CTNNA2: variants seen among roughly 807,000 people sequenced by gnomAD.
CTNNA2 encodes catenin alpha 2.
In CTNNA2, 42 loss-of-function variants were observed where a neutral mutation model predicts 101.0. That is an observed-to-expected ratio of 0.42 (90% confidence interval 0.32 to 0.54). CTNNA2 has a LOEUF of 0.54. CTNNA2 is among the 20% of genes least tolerant of loss of function. The pLI is 0.14. For synonymous variants in CTNNA2, 450 were observed against 456.4 expected (o/e 0.99, Z 0.18); for missense variants, 871 against 1,223.1 (o/e 0.71, Z 4.29).
At chr2:80,323,135 A>G (rs1184034433) in intron 7 of CTNNA2, among the ~76,000 whole-genome samples, 1 of 152,148 alleles carries the variant, frequency 6.6e-6, no homozygotes, top group Admixed American at 6.5e-5. Flanking sequence ...CACTGGTCGC[A>G]CCTTTCTTCT....
At chr2:80,122,064 G>A (rs1206026058) in intron 7 of CTNNA2, among the ~76,000 whole-genome samples, 4 of 152,156 alleles carry the variant, frequency 2.6e-5, no homozygotes, top group East Asian at 1.9e-4. Context: ...TCCCTGGTTT[G>A]ACTGCTAAGA....
chr2:79,295,601 C>A (rs1675959554), intron 2 of CTNNA2, among the ~76,000 whole-genome samples: 1 of 151,774 alleles, frequency 6.6e-6, no homozygotes, highest in Non-Finnish European at 1.5e-5. Context: ...TCTACCCCTG[C>A]CCATATGTTG....
intron 2 of CTNNA2, among the ~76,000 whole-genome samples, chr2:79,296,350 A>T (rs1159458193): frequency 6.6e-6 from 1 of 152,166 alleles, no homozygotes; most frequent in African/African-American, 2.4e-5. Context: ...CTTTTCAAAG[A>T]GTTTTTGTCT....
chr2:79,460,363 C>G (rs1670865787), intron 4 of CTNNA2, among the ~76,000 whole-genome samples: 2 of 152,136 alleles, frequency 1.3e-5, no homozygotes, highest in Admixed American at 1.3e-4. Context: ...CTCAAAATCT[C>G]CCCTTTTTTG....
intron 7 of CTNNA2, among the ~76,000 whole-genome samples, chr2:80,006,210 T>C (rs1693332339): frequency 6.6e-6 from 1 of 151,964 alleles, no homozygotes; most frequent in East Asian, 1.9e-4. Context: ...AACTTGGGTG[T>C]TTCACCTGTA....
intron 9 of CTNNA2, among the ~76,000 whole-genome samples, chr2:80,479,413 A>G (rs1685976425): frequency 6.6e-6 from 1 of 152,168 alleles, no homozygotes; most frequent in African/African-American, 2.4e-5. Flanking sequence ...GCCTCCAGCA[A>G]CAGAGAATCA....
chr2:80,081,324 C>T (rs1699130085), intron 7 of CTNNA2, among the ~76,000 whole-genome samples: 1 of 151,250 alleles, frequency 6.6e-6, no homozygotes, highest in South Asian at 2.1e-4. Flanking sequence ...CTGTCAATTC[C>T]CAGCAGCTCA....
chr2:79,861,199 CCTG>C lies in CTNNA2; in HGVS notation c.465+3024_465+3026del, dbSNP rs1193514849. Among the ~76,000 whole-genome samples the C allele has an allele frequency of 2.0e-5, 3 of 152,160 alleles. No homozygotes were observed. The East Asian group carries it at 5.8e-4, about 29-fold the overall frequency. Reference sequence around the variant, plus strand: ...ATACCCTGTAGTGAGACTACAGCCTCCTGCTGTGTTAACTGCTACATATCTCTT... The same window carrying C: ...ATACCCTGTAGTGAGACTACAGCCTCCTGTGTTAACTGCTACATATCTCTT... On this transcript the variant is annotated intron_variant, in intron 4 of 18. Transcript: ENST00000402739.
At chr2:79,601,453 G>A (rs1677547809) in intron 1 of CTNNA2, among the ~76,000 whole-genome samples, 1 of 152,198 alleles carries the variant, frequency 6.6e-6, no homozygotes. Flanking sequence ...CTCTGCAACT[G>A]GCATTGGTTA....
intron 8 of CTNNA2, among the ~76,000 whole-genome samples, chr2:80,410,319 A>G (rs1053875183): frequency 1.3e-5 from 2 of 152,250 alleles, no homozygotes; most frequent in Non-Finnish European, 1.5e-5. Flanking sequence ...TTGCTAGAGC[A>G]GGTATGATCT....
chr2:79,262,478 G>A (rs986746913), intron 2 of CTNNA2, among the ~76,000 whole-genome samples: 1 of 151,748 alleles, frequency 6.6e-6, no homozygotes, highest in East Asian at 1.9e-4. Context: ...AAATAATCAA[G>A]AGCCAAAAGT....
intron 4 of CTNNA2, among the ~76,000 whole-genome samples, chr2:79,461,045 T>C (rs541798794): frequency 6.6e-6 from 1 of 152,178 alleles, no homozygotes; most frequent in East Asian, 1.9e-4. Flanking sequence ...TTTCACTATG[T>C]TGGCCAGGCT....
At position 79,218,311 on chromosome 2, in the gene CTNNA2, TTG is replaced by T. The variant is rs60680995; in HGVS notation, c.-406+20273_-406+20274del. ...CCAGGCACCAGAATCTTCATGAACTTTGTGTGTGTGTGTGTGTGTGTGTGTGT... is the reference window on the plus strand; with the variant it reads ...CCAGGCACCAGAATCTTCATGAACTTTGTGTGTGTGTGTGTGTGTGTGTGT... On this transcript the variant is annotated intron_variant, in intron 2 of 21. Coordinates refer to the CTNNA2 transcript ENST00000466387. Among the ~76,000 whole-genome samples, 637 of 114,746 alleles carry T rather than the reference TTG, an allele frequency of 5.6e-3. 5 individuals are homozygous for T. Among genetic ancestry groups the T allele is most frequent in the South Asian group, 8.3e-3 (24 of 2,908 alleles). 75.3% of individuals were successfully genotyped at this position (114,746 alleles called of 152,430 possible).
At chr2:79,580,487 T>C (rs1019915756) in intron 1 of CTNNA2, among the ~76,000 whole-genome samples, 2 of 152,154 alleles carry the variant, frequency 1.3e-5, no homozygotes, top group Admixed American at 1.3e-4. Context: ...AATGGATTTT[T>C]CCCTAGAGCC....
At chr2:80,227,304 G>T (rs1708945292) in intron 7 of CTNNA2, among the ~76,000 whole-genome samples, 1 of 152,114 alleles carries the variant, frequency 6.6e-6, no homozygotes, top group African/African-American at 2.4e-5. Flanking sequence ...CCAAGTGTCA[G>T]GTGCTGAATG....
intron 7 of CTNNA2, among the ~76,000 whole-genome samples, chr2:80,364,556 A>ATTTTTTT (rs57073635): frequency 1.1e-4 from 13 of 123,514 alleles, no homozygotes; most frequent in African/African-American, 1.5e-4. Context: ...AGAGAAAGTA[A>ATTTTTTT]TTTTTTTTTT....
intron 7 of CTNNA2, among the ~76,000 whole-genome samples, chr2:80,336,823 T>C (rs1300436120): frequency 6.6e-6 from 1 of 152,200 alleles, no homozygotes; most frequent in Non-Finnish European, 1.5e-5. Flanking sequence ...AAGAAGTGAC[T>C]CTATGCAAGT....
At chr2:79,981,784 T>C (rs2103828936) in intron 7 of CTNNA2, among the ~76,000 whole-genome samples, 1 of 152,260 alleles carries the variant, frequency 6.6e-6, no homozygotes, top group East Asian at 1.9e-4. Flanking sequence ...ATGTTCAGAT[T>C]TTTAAGTGTA....
intron 2 of CTNNA2, among the ~76,000 whole-genome samples, chr2:79,296,256 G>C (rs1040286554): frequency 1.3e-5 from 2 of 152,122 alleles, no homozygotes; most frequent in Admixed American, 1.3e-4. Flanking sequence ...GTAGAATGGA[G>C]AATGCCAAAT....
Sources: allele counts gnomAD v4.1 joint callset (sites outside exome capture counted in the v4.1 genomes callset), GRCh38; gene constraint gnomAD v4.1.1; transcripts MANE v1.5; gene names NCBI Gene and HGNC (gene_info 2026-07-23, HGNC 2026-07-21).